SNTB2: variants seen among roughly 807,000 people sequenced by gnomAD.
SNTB2 encodes syntrophin beta 2.
SNTB2 carries 34 observed loss-of-function variants against 46.2 expected under a neutral mutation model. The ratio of observed to expected loss-of-function variants is 0.74; its 90% CI spans 0.56 to 0.98. The LOEUF is 0.98. Among genes scored for constraint, SNTB2 ranks in the 50% least tolerant of loss-of-function variants. SNTB2 has a pLI of 0.00. For missense variants in SNTB2, 603 were observed against 731.4 expected, an observed-to-expected ratio of 0.82 and a Z score of 2.02; for synonymous variants, 290 against 312.6, an observed-to-expected ratio of 0.93 and a Z score of 0.76.
At chr16:69,264,347 C>T (rs1269254266) in intron 3 of SNTB2, among the ~76,000 whole-genome samples, 1 of 152,152 alleles carries the variant, frequency 6.6e-6, no homozygotes, top group Non-Finnish European at 1.5e-5. Context: ...AGCATGTATC[C>T]ACCTCGCCCA....
At position 69,306,995 on chromosome 16, in the gene SNTB2, C is replaced by T. The variant is rs1318447402; in HGVS notation, c.*6071C>T. ...TTCTGAGTCCCCTAAGTCCCTTTCTCAGTTTGCAATAATCTTACGTCCATG... is the reference window on the plus strand; with the variant it reads ...TTCTGAGTCCCCTAAGTCCCTTTCTTAGTTTGCAATAATCTTACGTCCATG... On this transcript the variant is annotated 3_prime_UTR_variant, in exon 7 of 7. Coordinates refer to ENST00000336278, the MANE Select transcript of SNTB2 (RefSeq NM_006750.4). 1 of 152,184 alleles carries T rather than the reference C, an allele frequency of 6.6e-6. No homozygotes were observed. The highest frequency in any genetic ancestry group is 1.9e-4 in the East Asian group (1 of 5,200). The allele number at this position is 152,184 out of a possible 1,614,324, so 9.4% of individuals were successfully genotyped here.
At chr16:69,268,715 A>G (rs952748907) in intron 3 of SNTB2, among the ~76,000 whole-genome samples, 2 of 151,838 alleles carry the variant, frequency 1.3e-5, no homozygotes, top group African/African-American at 4.8e-5. Flanking sequence ...AATACAAAAA[A>G]TTAGCTGGGC....
intron 4 of SNTB2, among the ~76,000 whole-genome samples, chr16:69,281,300 C>T (rs1205935563): frequency 2.7e-5 from 4 of 150,738 alleles, no homozygotes; most frequent in Non-Finnish European, 5.9e-5. Flanking sequence ...GGCGCGATCT[C>T]GGCTCACTGC....
intron 4 of SNTB2, among the ~76,000 whole-genome samples, chr16:69,278,746 A>G (rs1036657316): frequency 7.2e-5 from 11 of 152,128 alleles, no homozygotes; most frequent in Non-Finnish European, 1.3e-4. Context: ...ATGAGCCACC[A>G]CACCCAGCCA....
intron 4 of SNTB2, among the ~76,000 whole-genome samples, chr16:69,282,507 G>A (rs181739073): frequency 5.3e-5 from 8 of 152,242 alleles, no homozygotes; most frequent in Non-Finnish European, 1.2e-4. Context: ...GTAAGTGAAA[G>A]TTGAGTGGTG....
chr16:69,192,000 A>G (rs1964059652), intron 1 of SNTB2, among the ~76,000 whole-genome samples: 1 of 152,192 alleles, frequency 6.6e-6, no homozygotes, highest in African/African-American at 2.4e-5. Context: ...AGAAAAGCCC[A>G]ACCAACAGAA....
At chr16:69,192,164 C>T (rs1387475672) in intron 1 of SNTB2, among the ~76,000 whole-genome samples, 1 of 152,198 alleles carries the variant, frequency 6.6e-6, no homozygotes, top group Non-Finnish European at 1.5e-5. Context: ...GGAAAAACAG[C>T]AGCTGTTGTA....
chr16:69,238,706 G>C (rs889673019), intron 1 of SNTB2, among the ~76,000 whole-genome samples: 1 of 152,030 alleles, frequency 6.6e-6, no homozygotes, highest in African/African-American at 2.4e-5. Context: ...CAAAAATCTT[G>C]ACATTATCCT....
At chr16:69,238,116 TC>T (rs1177435824) in intron 1 of SNTB2, among the ~76,000 whole-genome samples, 2 of 152,178 alleles carry the variant, frequency 1.3e-5, no homozygotes, top group Non-Finnish European at 1.5e-5. Flanking sequence ...TCAGCAGACT[TC>T]CTTGGCCTTT....
intron 1 of SNTB2, among the ~76,000 whole-genome samples, chr16:69,221,955 C>G (rs911065065): frequency 2.6e-5 from 4 of 152,146 alleles, no homozygotes; most frequent in Non-Finnish European, 4.4e-5. Context: ...CTACTGAAGC[C>G]TCTGGTTGCA....
At chr16:69,295,101 G>A (rs1965210064) in intron 5 of SNTB2, among the ~76,000 whole-genome samples, 1 of 151,938 alleles carries the variant, frequency 6.6e-6, no homozygotes. Context: ...GATTACAGGT[G>A]TGAGCCACTG....
intron 1 of SNTB2, among the ~76,000 whole-genome samples, chr16:69,226,985 T>G (rs901265227): frequency 4.6e-5 from 7 of 152,200 alleles, no homozygotes; most frequent in African/African-American, 1.4e-4. Flanking sequence ...CAGATAAGAT[T>G]ATACATATAG....
intron 1 of SNTB2, chr16:69,235,834 G>T: frequency 7.8e-7 from 1 of 1,289,282 alleles, no homozygotes; most frequent in Non-Finnish European, 1.0e-6. Context: ...TGGAATTGTG[G>T]TGAGTTTGAA....
intron 1 of SNTB2, among the ~76,000 whole-genome samples, chr16:69,190,297 C>A (rs1259243404): frequency 1.3e-5 from 2 of 152,178 alleles, no homozygotes; most frequent in Non-Finnish European, 2.9e-5. Context: ...GAATTTCAGG[C>A]ACACTTTTGC....
chr16:69,200,055 C>G (rs1964146451), intron 1 of SNTB2, among the ~76,000 whole-genome samples: 1 of 152,134 alleles, frequency 6.6e-6, no homozygotes, highest in Non-Finnish European at 1.5e-5. Context: ...GCTAGGACTA[C>G]AGATGCGTGC....
rs181990807 is a variant in SNTB2 at position 69,196,569 on chromosome 16, T to G, written c.580+8823T>G. ...TTTGTATTTTTAGTAGAGATGGAGT[T>G]TCACCATATTGGTCAGGCTGGTCTC... On this transcript the variant is annotated intron_variant, in intron 1 of 6. Coordinates refer to ENST00000336278, the MANE Select transcript of SNTB2 (RefSeq NM_006750.4). 3.5e-4 allele frequency among the ~76,000 whole-genome samples: 53 copies of G among 152,090 alleles called. No homozygotes were observed. In the East Asian group the frequency reaches 8.5e-3, roughly 24 times the overall value.
intron 3 of SNTB2, 115 bp downstream of exon 3, chr16:69,260,375 G>A (rs1964823958): frequency 1.1e-6 from 1 of 923,398 alleles, no homozygotes; most frequent in Non-Finnish European, 1.7e-6. Context: ...TATCTAGCTT[G>A]CAGATCTTTT....
intron 1 of SNTB2, among the ~76,000 whole-genome samples, chr16:69,225,488 G>A (rs1455120603): frequency 6.6e-6 from 1 of 152,106 alleles, no homozygotes; most frequent in Non-Finnish European, 1.5e-5. Flanking sequence ...GTTGTCTAGT[G>A]GAAAAACATT....
At chr16:69,203,761 A>T (rs1460293337) in intron 1 of SNTB2, among the ~76,000 whole-genome samples, 2 of 151,826 alleles carry the variant, frequency 1.3e-5, no homozygotes, top group Non-Finnish European at 2.9e-5. Context: ...TTGTTTATTA[A>T]TAATAATAAT....
Sources: allele counts gnomAD v4.1 joint callset (sites outside exome capture counted in the v4.1 genomes callset), GRCh38; gene constraint gnomAD v4.1.1; transcripts MANE v1.5; gene names NCBI Gene and HGNC (gene_info 2026-07-23, HGNC 2026-07-21).